CABLES1: variants seen among roughly 807,000 people sequenced by gnomAD.
CABLES1 encodes the protein CDK5 and ABL1 enzyme substrate 1.
CABLES1 carries 36 observed loss-of-function variants against 57.8 expected under a neutral mutation model. The observed-to-expected ratio is 0.62, with a 90% CI of 0.48 to 0.82. CABLES1 has a LOEUF of 0.82. CABLES1 is among the 40% of genes least tolerant of loss of function. The pLI, the probability that CABLES1 is intolerant of heterozygous loss-of-function variation, is 0.00. For synonymous variants in CABLES1, 374 were observed against 363.0 expected (o/e 1.03, Z -0.35); for missense variants, 767 against 836.6 (o/e 0.92, Z 1.03).
chr18:23,136,343 T>C lies in CABLES1; in HGVS notation c.581T>C (p.Leu194Pro), dbSNP rs1473519190. ...GCGCCTCTCGCCGCCTGTGCCCAAC[T>C]GCAGCTGCTCGACGGGTCCGGGGCC... ...RPAPLAACAQ[L>P]QLLDGSGAAG... The change falls in exon 1 of 10, where the codon CTG (leucine) becomes CCG (proline). Residue 194 changes from leucine (L) to proline (P), a missense_variant. Physicochemically the swap from Leu to Pro is moderately conservative, Grantham distance 98 (BLOSUM62 -3). Around this residue, in one of 4 missense-constraint regions of CABLES1, gnomAD observed 529 missense variants for 622.8 expected, o/e 0.85. Coordinates refer to ENST00000256925, the MANE Select transcript of CABLES1 (RefSeq NM_001100619.3). 6.8e-7 allele frequency: 1 copy of C among 1,463,284 alleles called. No individual in the cohort carries two copies. Among genetic ancestry groups the C allele is most frequent in the South Asian group, 1.4e-5 (1 of 72,428 alleles). 90.6% of individuals were successfully genotyped at this position (1,463,284 alleles called of 1,614,324 possible). A position where few individuals can be genotyped will look rare whatever the true frequency, so the allele number is the denominator to read the frequency against.
At chr18:23,177,991 A>G (rs1015200319) in intron 1 of CABLES1, among the ~76,000 whole-genome samples, 1 of 152,164 alleles carries the variant, frequency 6.6e-6, no homozygotes, top group African/African-American at 2.4e-5. Context: ...GTTGGCCGCA[A>G]ACTCCTTGGA....
At chr18:23,227,167 C>T (rs1299492382) in intron 4 of CABLES1, among the ~76,000 whole-genome samples, 1 of 152,104 alleles carries the variant, frequency 6.6e-6, no homozygotes, top group Non-Finnish European at 1.5e-5. Context: ...GATCATTTTG[C>T]GACACAGAGA....
In CABLES1 at chr18:23,258,312, T is replaced by TATC. The variant is rs1191622702; in HGVS notation, c.*946_*948dup. 2 of 152,656 alleles carry TATC rather than the reference T, an allele frequency of 1.3e-5. No homozygotes were observed. Among genetic ancestry groups the TATC allele is most frequent in the Non-Finnish European group, 2.9e-5 (2 of 68,054 alleles). 9.5% of individuals were successfully genotyped at this position (152,656 alleles called of 1,614,324 possible). A position where few individuals can be genotyped will look rare whatever the true frequency, so the allele number is the denominator to read the frequency against. On this transcript the variant is annotated 3_prime_UTR_variant, in exon 10 of 10. Transcript: ENST00000256925. Reference sequence around the variant, plus strand: ...TGCATCAGAAGCACATTTACTGTGCTATCTATATCGCTATATAAAAGTGTT... The same window carrying TATC: ...TGCATCAGAAGCACATTTACTGTGCTATCATCTATATCGCTATATAAAAGTGTT...
At chr18:23,230,385 A>C (rs2047558791) in intron 4 of CABLES1, among the ~76,000 whole-genome samples, 1 of 152,178 alleles carries the variant, frequency 6.6e-6, no homozygotes, top group African/African-American at 2.4e-5. Context: ...ACAAAAACAA[A>C]AAAAACCTAT....
intron 4 of CABLES1, among the ~76,000 whole-genome samples, chr18:23,224,908 C>T (rs1052792530): frequency 6.6e-6 from 1 of 152,038 alleles, no homozygotes; most frequent in Non-Finnish European, 1.5e-5. Context: ...CACTGTATTG[C>T]CCAGGCTGGA....
At chr18:23,255,511 T>C (rs2052336098) in intron 9 of CABLES1, among the ~76,000 whole-genome samples, 1 of 151,784 alleles carries the variant, frequency 6.6e-6, no homozygotes, top group Non-Finnish European at 1.5e-5. Flanking sequence ...ACACCAACTC[T>C]GAGCTGAGAA....
chr18:23,136,736 C>G (rs1274239388), intron 1 of CABLES1, 129 bp downstream of exon 1: 6 of 584,620 alleles, frequency 1.0e-5, no homozygotes, highest in Non-Finnish European at 1.6e-5. Flanking sequence ...TCCTGTGCTC[C>G]GGGCCCGAAT....
chr18:23,221,198 A>T (rs2047484397), intron 4 of CABLES1, among the ~76,000 whole-genome samples: 1 of 152,246 alleles, frequency 6.6e-6, no homozygotes, highest in South Asian at 2.1e-4. Flanking sequence ...GCATGTCTTC[A>T]CTTCACAAAA....
chr18:23,156,764 C>G (rs1686910395), intron 1 of CABLES1, among the ~76,000 whole-genome samples: 1 of 152,116 alleles, frequency 6.6e-6, no homozygotes, highest in African/African-American at 2.4e-5. Flanking sequence ...GTAACACATT[C>G]CTGAATAAGG....
intron 1 of CABLES1, among the ~76,000 whole-genome samples, chr18:23,139,425 T>G (rs1039673653): frequency 2.5e-5 from 3 of 119,714 alleles, no homozygotes; most frequent in African/African-American, 1.1e-4. Context: ...AAAAAAAAAA[T>G]TAGAATGTCT....
chr18:23,194,889 C>T (rs530891422), intron 3 of CABLES1, among the ~76,000 whole-genome samples: 4 of 152,100 alleles, frequency 2.6e-5, no homozygotes, highest in African/African-American at 4.8e-5. Flanking sequence ...GTTTTGTTTT[C>T]GTTTTTCACT....
rs116944617 is a variant in CABLES1, at chr18:23,188,906, G to A, written c.914G>A (p.Arg305Gln). 2.3e-3 allele frequency: 3,727 copies of A among 1,609,434 alleles called. 17 individuals carry two copies. The highest frequency in any genetic ancestry group is 6.4e-3 in the South Asian group (578 of 90,620). ...GATATTGAGGAGAACGCCCCTCTCC[G>A]GAGGTAATTTTCTGTTTCATTTATG... is the stretch of plus-strand genomic sequence containing the variant. The part of the protein sequence containing the change: ...LEDIEENAPL[R>Q]RCRTLSGSPR... The change falls in exon 2 of 10, where the codon CGG becomes CAG. Residue 305 changes from arginine to glutamine, a missense_variant. This residue lies in a region of CABLES1 where 529 missense variants were observed against 622.8 expected (regional missense o/e 0.85). Transcript: ENST00000256925.
intron 1 of CABLES1, among the ~76,000 whole-genome samples, chr18:23,177,999 G>A (rs966253467): frequency 6.6e-6 from 1 of 152,156 alleles, no homozygotes; most frequent in African/African-American, 2.4e-5. Context: ...CAAACTCCTT[G>A]GACTTAGATG....
intron 8 of CABLES1, among the ~76,000 whole-genome samples, 157 bp downstream of exon 8, chr18:23,253,223 C>T (rs1038731584): frequency 6.6e-6 from 1 of 152,200 alleles, no homozygotes; most frequent in African/African-American, 2.4e-5. Context: ...TGGCTCACAC[C>T]TGTAATCCCA....
Position 23,135,996 on chromosome 18 carries a change from G to T in CABLES1, c.234G>T (p.Leu78=). 8.8e-7 allele frequency: 1 copy of T among 1,140,142 alleles called. No individual in the cohort carries two copies. Among genetic ancestry groups the T allele is most frequent in the East Asian group, 4.6e-5 (1 of 21,766 alleles). 70.6% of individuals were successfully genotyped at this position (1,140,142 alleles called of 1,614,324 possible). ...FLTNISLDGR[L]PPQDAEWGGG... ...CCAACATCTCGCTGGACGGCCGGCT[G>T]CCGCCGCAGGACGCGGAGTGGGGCG... Residue 78 remains leucine, a synonymous_variant, in exon 1 of 10, where the codon CTG becomes CTT. Transcript: ENST00000256925.
chr18:23,149,418 A>G (rs1190868331), intron 1 of CABLES1, among the ~76,000 whole-genome samples: 1 of 151,812 alleles, frequency 6.6e-6, no homozygotes, highest in East Asian at 1.9e-4. Context: ...AGTACTTGGG[A>G]CCCACAGGTA....
chr18:23,229,656 C>T (rs1200534794), intron 4 of CABLES1, among the ~76,000 whole-genome samples: 2 of 152,192 alleles, frequency 1.3e-5, no homozygotes, highest in East Asian at 3.8e-4. Context: ...TTAGAAAATA[C>T]CAAGATTTCA....
At chr18:23,200,549 A>T (rs2047318087) in intron 3 of CABLES1, among the ~76,000 whole-genome samples, 1 of 152,112 alleles carries the variant, frequency 6.6e-6, no homozygotes, top group South Asian at 2.1e-4. Flanking sequence ...GGCGTGAGCC[A>T]CCGTGCCCGG....
intron 7 of CABLES1, among the ~76,000 whole-genome samples, chr18:23,240,157 G>C (rs1173824542): frequency 1.3e-5 from 2 of 152,080 alleles, no homozygotes; most frequent in Non-Finnish European, 2.9e-5. Flanking sequence ...AATGATGGAA[G>C]GGTTGGACGT....
Sources: allele counts gnomAD v4.1 joint callset (sites outside exome capture counted in the v4.1 genomes callset), GRCh38; gene constraint gnomAD v4.1.1; regional missense constraint gnomAD v4.1.1; transcripts MANE v1.5; gene names NCBI Gene and HGNC (gene_info 2026-07-23, HGNC 2026-07-21).